The following ATE1 variants were observed in gnomAD, a reference collection of about 807,000 sequenced individuals.
ATE1 encodes the protein arginyl-tRNA--protein transferase 1.
Under a neutral mutation model 70.5 loss-of-function variants are expected in ATE1, and 36 were observed. That is an observed-to-expected ratio of 0.51 (90% CI 0.39 to 0.67). ATE1 has a LOEUF of 0.67. Among genes scored for constraint, ATE1 ranks in the 30% least tolerant of loss-of-function variants. The pLI, the probability that ATE1 is intolerant of heterozygous loss-of-function variation, is 0.00. For missense variants in ATE1, 593 were observed against 629.5 expected (o/e 0.94, Z 0.62); for synonymous variants, 232 against 219.3 (o/e 1.06, Z -0.51).
rs545556059 is a variant in ATE1 at position 121,882,425 on chromosome 10, T to C, written c.943-12387A>G. ...TCCAGACCTAGTAACAAAAGTTTAG[T>C]CAATGATTATTTGGCCAAGCACCTT... On this transcript the variant is annotated intron_variant, in intron 7 of 11. Transcript: ENST00000224652. Among the ~76,000 whole-genome samples the C allele has an allele frequency of 5.3e-5, 8 of 152,334 alleles. No individual in the cohort carries two copies. In the East Asian group the frequency reaches 1.5e-3, roughly 29 times the overall value.
chr10:121,893,783 A>T (rs934514530), intron 7 of ATE1, among the ~76,000 whole-genome samples: 1 of 152,106 alleles, frequency 6.6e-6, no homozygotes, highest in Admixed American at 6.6e-5. Context: ...AAAATGTTAC[A>T]CTAGAAAATA....
intron 11 of ATE1, among the ~76,000 whole-genome samples, chr10:121,745,482 C>T (rs111689505): frequency 2.3e-4 from 35 of 152,170 alleles, no homozygotes; most frequent in Non-Finnish European, 4.3e-4. Flanking sequence ...TTTGGGAGGC[C>T]AAGGTGGGCA....
At position 121,926,907 on chromosome 10, in the gene ATE1, C is replaced by A. The variant is rs556882404; in HGVS notation, c.106+937G>T. The A allele has an allele frequency of 5.8e-5, 57 of 985,438 alleles. No individual in the cohort carries two copies. In the South Asian group the frequency reaches 2.3e-3, roughly 39 times the overall value. The allele number at this position is 985,438 out of a possible 1,614,324, so 61.0% of individuals were successfully genotyped here. A position where few individuals can be genotyped will look rare whatever the true frequency, so the allele number is the denominator to read the frequency against. On this transcript the variant is annotated intron_variant, in intron 1 of 11. Transcript: ENST00000224652. ...CGATTGCATAACTGTCTACTCAAAA[C>A]CGCTGCCCACAAGTAGCACTTAATA...
chr10:121,846,046 G>A (rs1448222492), intron 8 of ATE1, among the ~76,000 whole-genome samples: 2 of 148,108 alleles, frequency 1.4e-5, no homozygotes, highest in East Asian at 2.0e-4. Flanking sequence ...GGCCCCCAAG[G>A]AGAAATAGCT....
At chr10:121,825,422 G>C (rs1947968861) in intron 10 of ATE1, among the ~76,000 whole-genome samples, 1 of 152,164 alleles carries the variant, frequency 6.6e-6, no homozygotes, top group Non-Finnish European at 1.5e-5. Context: ...AAATTTTTCA[G>C]ATGTTCACAC....
chr10:121,854,692 G>A (rs117786478), intron 8 of ATE1, among the ~76,000 whole-genome samples: 2,335 of 152,192 alleles, frequency 0.015, 40 homozygotes, highest in Middle Eastern at 0.041. Flanking sequence ...GAAAAAAAAC[G>A]GTCAGGCAGA....
intron 10 of ATE1, among the ~76,000 whole-genome samples, chr10:121,834,475 G>T (rs912182761): frequency 9.2e-5 from 14 of 152,144 alleles, no homozygotes; most frequent in African/African-American, 3.4e-4. Context: ...AATTCTTATG[G>T]ATTTGGATTG....
rs1948627522 is a variant in ATE1 at position 121,841,478 on chromosome 10, T to C, written c.976-215A>G. ...ATTCAAAAAGAGAAATCAATTTATG[T>C]TTTCTTCAATTTACTTGTTTTAATA... On this transcript the variant is annotated intron_variant, in intron 8 of 11. Coordinates refer to ENST00000224652, the MANE Select transcript of ATE1 (RefSeq NM_001001976.3). Among the ~76,000 whole-genome samples, 4 of 152,156 alleles carry C rather than the reference T, an allele frequency of 2.6e-5. No individual in the cohort carries two copies. The South Asian group carries it at 8.3e-4, about 32-fold the overall frequency.
chr10:121,926,912 G>A (rs1266156164), intron 1 of ATE1: 13 of 985,226 alleles, frequency 1.3e-5, no homozygotes, highest in Non-Finnish European at 1.6e-5. Flanking sequence ...CAAAACCGCT[G>A]CCCACAAGTA....
intron 8 of ATE1, among the ~76,000 whole-genome samples, chr10:121,856,068 C>A: frequency 9.9e-6 from 1 of 101,148 alleles, no homozygotes. Context: ...ATGAGCAAAA[C>A]TATATCTCAA....
chr10:121,815,197 G>A (rs890813793), intron 10 of ATE1, among the ~76,000 whole-genome samples: 5 of 152,202 alleles, frequency 3.3e-5, no homozygotes, highest in South Asian at 4.1e-4. Flanking sequence ...CTGCAGTGGC[G>A]CAATCTCGGC....
intron 10 of ATE1, among the ~76,000 whole-genome samples, chr10:121,833,652 C>T (rs908372729): frequency 1.3e-5 from 2 of 151,798 alleles, no homozygotes; most frequent in Admixed American, 6.6e-5. Flanking sequence ...GGAAAAAAAA[C>T]GACAGTACAG....
At chr10:121,928,279 C>T (rs1952188288), upstream of ATE1, 2 of 1,478,322 alleles carry the variant, frequency 1.4e-6, no homozygotes, top group East Asian at 5.6e-5. Flanking sequence ...GCGAGCCTGC[C>T]CTTTCCCCCG....
At chr10:121,793,182 C>T (rs868023030) in intron 10 of ATE1, among the ~76,000 whole-genome samples, 1 of 152,086 alleles carries the variant, frequency 6.6e-6, no homozygotes, top group Non-Finnish European at 1.5e-5. Context: ...TTGTCAGTTA[C>T]CAGAAATGCA....
chr10:121,762,298 C>A (rs557600536), intron 11 of ATE1, among the ~76,000 whole-genome samples: 4 of 152,314 alleles, frequency 2.6e-5, no homozygotes, highest in Admixed American at 2.6e-4. Context: ...GTCCTCCTCT[C>A]ATTGCTCTAC....
At position 121,841,794 on chromosome 10, in the gene ATE1, A is replaced by G. The variant is rs550349693; in HGVS notation, c.976-531T>C. On this transcript the variant is annotated intron_variant, in intron 8 of 11. Transcript: ENST00000224652. The stretch of plus-strand genomic sequence containing the variant: ...AGGGCAAGAGTGGGTAAGGGATAAA[A>G]GACTACACATTGGGTACAGTGTACA... Among the ~76,000 whole-genome samples the G allele has an allele frequency of 2.6e-5, 4 of 152,330 alleles. No homozygotes were observed. In the East Asian group the frequency reaches 7.7e-4, roughly 29 times the overall value.
At chr10:121,855,352 T>C (rs1460021923) in intron 8 of ATE1, among the ~76,000 whole-genome samples, 1 of 152,224 alleles carries the variant, frequency 6.6e-6, no homozygotes, top group Non-Finnish European at 1.5e-5. Context: ...CTCTGTTGGA[T>C]GGATGACAGA....
At chr10:121,858,299 ACAAGAGCTC>A (rs1672649188) in intron 8 of ATE1, among the ~76,000 whole-genome samples, 1 of 152,168 alleles carries the variant, frequency 6.6e-6, no homozygotes, top group African/African-American at 2.4e-5. Flanking sequence ...CCAGCAATGC[ACAAGAGCTC>A]CAATTTCTCT....
chr10:121,811,951 C>CTTTTTTT (rs71022870), intron 10 of ATE1, among the ~76,000 whole-genome samples: 7 of 74,740 alleles, frequency 9.4e-5, no homozygotes, highest in Admixed American at 1.8e-4. Flanking sequence ...ATTCCAAATT[C>CTTTTTTT]TTTTTTTTTT....
Sources: gnomAD v4.1 joint callset for allele counts (sites outside exome capture counted in the v4.1 genomes callset) on GRCh38, gnomAD v4.1.1 for gene constraint, MANE v1.5 for transcripts, NCBI Gene and HGNC (gene_info 2026-07-23, HGNC 2026-07-21) for gene names.